Variants in NRG1 observed in about 807,000 individuals in gnomAD.
NRG1 encodes neuregulin 1.
In NRG1, 18 loss-of-function variants were observed where a neutral mutation model predicts 63.8. The observed-to-expected ratio is 0.28, with a 90% CI of 0.19 to 0.42. The LOEUF (loss-of-function observed/expected upper bound fraction) is 0.42. Ranked by LOEUF, NRG1 falls within the 10% of genes least tolerant of loss-of-function variation. The pLI is 1.00. For missense variants in NRG1, 762 were observed against 814.7 expected, an observed-to-expected ratio of 0.94 and a Z score of 0.79; for synonymous variants, 302 against 301.3, an observed-to-expected ratio of 1.00 and a Z score of -0.02.
At chr8:31,654,340 TG>T (rs1166221967) in intron 1 of NRG1, among the ~76,000 whole-genome samples, 4 of 152,204 alleles carry the variant, frequency 2.6e-5, no homozygotes, top group African/African-American at 9.6e-5. Flanking sequence ...AGATAATGAA[TG>T]GGTTTGAAGC....
chr8:32,695,512 A>G (rs2128947487), intron 5 of NRG1, among the ~76,000 whole-genome samples: 1 of 152,362 alleles, frequency 6.6e-6, no homozygotes, highest in Admixed American at 6.5e-5. Flanking sequence ...ATGCAAAATA[A>G]TGGCATTTTC....
intron 1 of NRG1, among the ~76,000 whole-genome samples, chr8:32,500,217 T>C (rs1420057703): frequency 6.6e-6 from 1 of 152,208 alleles, no homozygotes; most frequent in Non-Finnish European, 1.5e-5. Flanking sequence ...GAACTTTTAA[T>C]AAGGACTCTC....
At chr8:32,492,165 G>T (rs577698659) in intron 1 of NRG1, among the ~76,000 whole-genome samples, 147 of 152,106 alleles carry the variant, frequency 9.7e-4, no homozygotes, top group Non-Finnish European at 1.7e-3. Flanking sequence ...ATGGGGACCA[G>T]ATTGTGTCTA....
intron 2 of NRG1, among the ~76,000 whole-genome samples, chr8:32,604,828 T>C (rs568271383): frequency 1.3e-5 from 2 of 152,126 alleles, no homozygotes; most frequent in African/African-American, 4.8e-5. Flanking sequence ...TTATAGGTTA[T>C]GTGCAACAGT....
intron 1 of NRG1, among the ~76,000 whole-genome samples, chr8:31,952,800 T>C (rs187931003): frequency 7.2e-5 from 11 of 152,292 alleles, no homozygotes; most frequent in Non-Finnish European, 1.3e-4. Flanking sequence ...TGAAACCTTG[T>C]GGACTTACAG....
At chr8:31,992,024 A>G (rs1178751486) in intron 1 of NRG1, among the ~76,000 whole-genome samples, 1 of 151,924 alleles carries the variant, frequency 6.6e-6, no homozygotes, top group Non-Finnish European at 1.5e-5. Context: ...GGCACAAGAG[A>G]GAGATAATTT....
At chr8:32,536,555 C>T (rs1831985496) in intron 1 of NRG1, among the ~76,000 whole-genome samples, 2 of 152,260 alleles carry the variant, frequency 1.3e-5, no homozygotes, top group African/African-American at 4.8e-5. Flanking sequence ...GTAATTCTCA[C>T]TTGTGCTCAA....
At chr8:32,238,838 A>T (rs1847830532) in intron 1 of NRG1, among the ~76,000 whole-genome samples, 1 of 152,206 alleles carries the variant, frequency 6.6e-6, no homozygotes, top group South Asian at 2.1e-4. Flanking sequence ...GTCCTACAGA[A>T]ATCACTGAAC....
chr8:31,744,401 T>C (rs912536937), intron 1 of NRG1, among the ~76,000 whole-genome samples: 2 of 152,038 alleles, frequency 1.3e-5, no homozygotes, highest in African/African-American at 4.8e-5. Context: ...CTTTAAAATG[T>C]CCTAGACACC....
At chr8:32,584,953 A>T (rs1841350280) in intron 1 of NRG1, among the ~76,000 whole-genome samples, 1 of 152,214 alleles carries the variant, frequency 6.6e-6, no homozygotes, top group African/African-American at 2.4e-5. Context: ...AATAAAAAAG[A>T]GAATTTTAGT....
At chr8:32,197,110 C>A (rs200192285) in intron 1 of NRG1, among the ~76,000 whole-genome samples, 3 of 151,474 alleles carry the variant, frequency 2.0e-5, no homozygotes, top group Admixed American at 1.3e-4. Context: ...CAGGCGCCCA[C>A]CACTAACCCC....
At chr8:32,390,333 C>A (rs889598703) in intron 1 of NRG1, among the ~76,000 whole-genome samples, 4 of 152,096 alleles carry the variant, frequency 2.6e-5, no homozygotes, top group Non-Finnish European at 1.5e-5. Context: ...ACCTGTGATC[C>A]TAGCACTTTG....
At chr8:31,956,634 A>AG (rs1804480526) in intron 1 of NRG1, among the ~76,000 whole-genome samples, 1 of 152,138 alleles carries the variant, frequency 6.6e-6, no homozygotes, top group South Asian at 2.1e-4. Flanking sequence ...AAAAAAAAAA[A>AG]GTATTCTGTG....
chr8:32,613,434 A>G (rs757113920), intron 3 of NRG1, among the ~76,000 whole-genome samples: 2 of 152,082 alleles, frequency 1.3e-5, no homozygotes, highest in Non-Finnish European at 2.9e-5. Context: ...GATTCTGCTT[A>G]CCTGCTAGAC....
rs149759483 is a variant in NRG1, at chr8:31,750,429, C to T, written c.37+110998C>T. On this transcript the variant is annotated intron_variant, in intron 1 of 10. Coordinates refer to the NRG1 transcript ENST00000519301. ...CTGAATGTCTAACTAATGTCAAGCA[C>T]GGTCACATACACCCACACTCTCTAA... 6.6e-4 allele frequency among the ~76,000 whole-genome samples: 100 copies of T among 152,034 alleles called. 3 individuals are homozygous for T. In the East Asian group the frequency reaches 0.017, roughly 26 times the overall value.
chr8:32,758,682 T>C (rs1052140952), intron 9 of NRG1, among the ~76,000 whole-genome samples: 2 of 151,926 alleles, frequency 1.3e-5, no homozygotes, highest in Admixed American at 6.6e-5. Context: ...CCATATATTA[T>C]GTGCTTTGTC....
chr8:31,953,244 C>T (rs1031862314), intron 1 of NRG1, among the ~76,000 whole-genome samples: 2 of 151,940 alleles, frequency 1.3e-5, no homozygotes, highest in African/African-American at 2.4e-5. Context: ...TTTTGAAATG[C>T]GTCAACAAAT....
At chr8:32,060,763 C>T (rs1016553531) in intron 1 of NRG1, among the ~76,000 whole-genome samples, 3 of 151,742 alleles carry the variant, frequency 2.0e-5, no homozygotes. Context: ...TTTTGTTATT[C>T]TTTTTATTTC....
At chr8:31,965,227 A>G (rs1009105266) in intron 1 of NRG1, among the ~76,000 whole-genome samples, 1 of 144,854 alleles carries the variant, frequency 6.9e-6, no homozygotes, top group African/African-American at 2.5e-5. Flanking sequence ...GATGTCTTTT[A>G]TTTTTTTTTT....
Sources: gnomAD v4.1 joint callset for allele counts (sites outside exome capture counted in the v4.1 genomes callset) on GRCh38, gnomAD v4.1.1 for gene constraint, MANE v1.5 for transcripts, NCBI Gene and HGNC (gene_info 2026-07-23, HGNC 2026-07-21) for gene names.